NCOA2: variants seen among roughly 807,000 people sequenced by gnomAD.
NCOA2 encodes the protein class E basic helix-loop-helix protein 75.
Under a neutral mutation model 145.1 loss-of-function variants are expected in NCOA2, and 21 were observed. The observed-to-expected ratio is 0.14, with a 90% CI of 0.10 to 0.21. The LOEUF is 0.21. NCOA2 is among the 10% of genes least tolerant of loss of function. NCOA2 has a pLI of 1.00. For missense variants in NCOA2, 1,472 were observed against 1,837.6 expected, an observed-to-expected ratio of 0.80 and a Z score of 3.64; for synonymous variants, 619 against 637.5, an observed-to-expected ratio of 0.97 and a Z score of 0.44.
In NCOA2 at chr8:70,318,611, C is replaced by T. The variant is rs185036423; in HGVS notation, c.-76-21811G>A. 1.3e-4 allele frequency among the ~76,000 whole-genome samples: 20 copies of T among 151,974 alleles called. No individual in the cohort carries two copies. In the East Asian group the frequency reaches 3.9e-3, roughly 29 times the overall value. On this transcript the variant is annotated intron_variant, in intron 1 of 22. Coordinates refer to ENST00000452400, the MANE Select transcript of NCOA2 (RefSeq NM_006540.4). The stretch of plus-strand genomic sequence containing the variant: ...AAAATCCCATCTCTACAACAAATAC[C>T]AAAAAAATTAGCTGGGCTTAGTGGC...
chr8:70,187,061 A>G (rs1816154071), intron 4 of NCOA2, among the ~76,000 whole-genome samples: 1 of 152,222 alleles, frequency 6.6e-6, no homozygotes, highest in African/African-American at 2.4e-5. Flanking sequence ...ACAACTATTT[A>G]AAGCAGTAGG....
At chr8:70,121,045 G>A (rs781132745) in intron 22 of NCOA2, among the ~76,000 whole-genome samples, 2 of 151,702 alleles carry the variant, frequency 1.3e-5, no homozygotes, top group East Asian at 1.9e-4. Context: ...TGTTGGCTAC[G>A]AAGACTACAG....
At chr8:70,246,329 T>A (rs1822617832) in intron 2 of NCOA2, among the ~76,000 whole-genome samples, 1 of 152,114 alleles carries the variant, frequency 6.6e-6, no homozygotes. Flanking sequence ...GAAGTTTAAA[T>A]GTGAGAGTGC....
chr8:70,329,318 T>C (rs1014629658), intron 1 of NCOA2, among the ~76,000 whole-genome samples: 3 of 151,940 alleles, frequency 2.0e-5, no homozygotes, highest in Non-Finnish European at 4.4e-5. Flanking sequence ...GAGTTCGCCA[T>C]GTGGATGGTC....
intron 1 of NCOA2, among the ~76,000 whole-genome samples, chr8:70,345,873 C>T (rs1808577318): frequency 6.6e-6 from 1 of 152,104 alleles, no homozygotes; most frequent in Non-Finnish European, 1.5e-5. Flanking sequence ...AACCAGGGTC[C>T]CATGTCCAAC....
At chr8:70,161,174 A>G (rs1025298664) in intron 9 of NCOA2, among the ~76,000 whole-genome samples, 2 of 152,216 alleles carry the variant, frequency 1.3e-5, no homozygotes, top group South Asian at 2.1e-4. Context: ...TGAAATGTCT[A>G]TACGGGGTTT....
intron 2 of NCOA2, among the ~76,000 whole-genome samples, chr8:70,251,049 T>C (rs749142631): frequency 2.6e-5 from 4 of 152,184 alleles, no homozygotes; most frequent in Non-Finnish European, 5.9e-5. Context: ...ATTAAGTCAC[T>C]TGGGCCTCTG....
rs1812639215 is a variant in NCOA2, at chr8:70,159,234, ATATATATATTTTTT to A, written c.1124+257_1124+270del. Among the ~76,000 whole-genome samples the A allele has an allele frequency of 2.6e-5, 2 of 77,418 alleles. 1 individual carries two copies. The highest frequency in any genetic ancestry group is 1.4e-4 in the African/African-American group (2 of 14,198). The allele number at this position is 77,418 out of a possible 152,430, so 50.8% of individuals were successfully genotyped here. ...ATACAGTATAACATTATATATATAT[ATATATATATTTTTT>A]TTTTTTTCCCCCAAATATTTTCCAT... On this transcript the variant is annotated intron_variant, in intron 10 of 22. Transcript: ENST00000452400.
chr8:70,354,323 G>A (rs1320193455), intron 1 of NCOA2, among the ~76,000 whole-genome samples: 2 of 152,138 alleles, frequency 1.3e-5, no homozygotes, highest in African/African-American at 4.8e-5. Context: ...TTATTTTGAT[G>A]TTTTGTTGAT....
At chr8:70,314,180 C>CA (rs61028027) in intron 1 of NCOA2, among the ~76,000 whole-genome samples, 1,901 of 17,168 alleles carry the variant, frequency 0.11, 699 homozygotes, top group Non-Finnish European at 0.23. Flanking sequence ...ACTCTGACTC[C>CA]AAAAAAAAAA....
At chr8:70,134,913 G>A (rs887525245) in intron 15 of NCOA2, among the ~76,000 whole-genome samples, 1 of 152,058 alleles carries the variant, frequency 6.6e-6, no homozygotes, top group African/African-American at 2.4e-5. Flanking sequence ...TGCTTGCATG[G>A]TATCTCTAAT....
intron 1 of NCOA2, among the ~76,000 whole-genome samples, chr8:70,311,407 A>G (rs917754728): frequency 2.0e-5 from 3 of 152,214 alleles, no homozygotes; most frequent in Non-Finnish European, 4.4e-5. Flanking sequence ...CACATTACAT[A>G]GTAATTTGTC....
intron 2 of NCOA2, among the ~76,000 whole-genome samples, chr8:70,230,695 T>C (rs936839096): frequency 6.6e-6 from 1 of 152,226 alleles, no homozygotes; most frequent in Non-Finnish European, 1.5e-5. Flanking sequence ...TTTTAAAGCT[T>C]ACTTTTTGCT....
intron 1 of NCOA2, among the ~76,000 whole-genome samples, chr8:70,367,913 T>C (rs570760813): frequency 2.0e-5 from 3 of 152,344 alleles, no homozygotes; most frequent in African/African-American, 7.2e-5. Flanking sequence ...ATGACTTAAT[T>C]CTGTGTCTTT....
chr8:70,439,457 G>A, the NCOA2 span, among the ~76,000 whole-genome samples: 1 of 152,174 alleles, frequency 6.6e-6, no homozygotes, highest in Admixed American at 6.5e-5. Flanking sequence ...CAGACAAGAT[G>A]GGGAAGGCAC....
intron 1 of NCOA2, among the ~76,000 whole-genome samples, chr8:70,355,373 A>G (rs1413774931): frequency 6.6e-6 from 1 of 152,164 alleles, no homozygotes; most frequent in African/African-American, 2.4e-5. Flanking sequence ...TCCACTCTTT[A>G]CTTTGATATT....
At chr8:70,201,761 T>C (rs968481609) in intron 4 of NCOA2, among the ~76,000 whole-genome samples, 1 of 152,162 alleles carries the variant, frequency 6.6e-6, no homozygotes, top group Non-Finnish European at 1.5e-5. Flanking sequence ...GTATAGGAAG[T>C]CTAACGTAGC....
In NCOA2 at chr8:70,156,575, G is replaced by A; in HGVS notation, c.1790C>T (p.Thr597Ile). The stretch of plus-strand genomic sequence containing the variant: ...ATGGCAGCTGCTCTCTGCTTGTCCA[G>A]TTGTACCTTCAGAGGGCTCCCCATA... The part of the protein sequence containing the change: ...GLYGEPSEGT[T>I]GQAESSCHPG... Residue 597 changes from threonine to isoleucine, a missense_variant, in exon 11 of 23, where the codon ACT becomes ATT. Transcript: ENST00000452400. 6.2e-7 allele frequency: 1 copy of A among 1,613,920 alleles called. No homozygotes were observed. The highest frequency in any genetic ancestry group is 1.1e-5 in the South Asian group (1 of 91,074).
intron 12 of NCOA2, 114 bp downstream of exon 12, chr8:70,148,159 G>C: frequency 1.0e-6 from 1 of 996,144 alleles, no homozygotes; most frequent in Non-Finnish European, 1.6e-6. Flanking sequence ...GGTGCTATTT[G>C]ATCACAAAAA....
Sources: allele counts gnomAD v4.1 joint callset (sites outside exome capture counted in the v4.1 genomes callset), GRCh38; gene constraint gnomAD v4.1.1; transcripts MANE v1.5; gene names NCBI Gene and HGNC (gene_info 2026-07-23, HGNC 2026-07-21).